The following ADAM2 variants were observed in gnomAD, a reference collection of about 807,000 sequenced individuals.
ADAM2 encodes the protein ADAM metallopeptidase domain 2, also known as disintegrin and metalloproteinase domain-containing protein 2.
ADAM2 carries 101 observed loss-of-function variants against 99.3 expected under a neutral mutation model. The observed-to-expected ratio is 1.02, with a 90% confidence interval of 0.87 to 1.20. ADAM2 has a LOEUF of 1.20. Ranked by LOEUF, ADAM2 falls within the 50% of genes most tolerant of loss-of-function variation. The pLI, the probability that ADAM2 is intolerant of heterozygous loss-of-function variation, is 0.00. For missense variants in ADAM2, 948 were observed against 878.7 expected (o/e 1.08, Z -1.00); for synonymous variants, 323 against 287.6 (o/e 1.12, Z -1.25).
At chr8:39,744,917 T>G in intron 19 of ADAM2, 24 bp from the exon 20 acceptor site, 1 of 1,558,126 alleles carries the variant, frequency 6.4e-7, no homozygotes, top group Non-Finnish European at 8.8e-7. Context: ...ATAAAAATAA[T>G]ATTATACTTT....
intron 6 of ADAM2, among the ~76,000 whole-genome samples, chr8:39,819,528 G>C (rs191289819): frequency 6.6e-6 from 1 of 152,146 alleles, no homozygotes; most frequent in East Asian, 1.9e-4. Context: ...CTCTGTGAAG[G>C]TGCCTTTTAG....
chr8:39,746,735 T>A, intron 18 of ADAM2, 104 bp from the exon 19 acceptor site: 1 of 887,158 alleles, frequency 1.1e-6, no homozygotes, highest in Non-Finnish European at 1.7e-6. Flanking sequence ...TTGAACAATT[T>A]AATAATTTAA....
chr8:39,836,740 A>G (rs1052947712), intron 2 of ADAM2, among the ~76,000 whole-genome samples: 1 of 152,250 alleles, frequency 6.6e-6, no homozygotes, highest in Non-Finnish European at 1.5e-5. Context: ...AATCATTAAT[A>G]TAACACATCA....
At chr8:39,786,635 T>C (rs1190568354) in intron 10 of ADAM2, among the ~76,000 whole-genome samples, 1 of 152,160 alleles carries the variant, frequency 6.6e-6, no homozygotes, top group Non-Finnish European at 1.5e-5. Flanking sequence ...TTATGTTCAC[T>C]ACATAATTAG....
In ADAM2 at chr8:39,761,217, G is replaced by T; in HGVS notation, c.1572C>A (p.Asn524Lys). The T allele has an allele frequency of 6.2e-7, 1 of 1,604,254 alleles. No homozygotes were observed. Among genetic ancestry groups the T allele is most frequent in the Non-Finnish European group, 8.5e-7 (1 of 1,174,608 alleles). ...TGTATCCTGAATCACTTATACCACAGTTTCCAGATACATCAGTCTTTGAAT... is the reference window on the plus strand; with the variant it reads ...TGTATCCTGAATCACTTATACCACATTTTCCAGATACATCAGTCTTTGAAT... ...HLNSKTDVSGNCGISDSGYTQ... is the reference protein window; with the variant it reads ...HLNSKTDVSGKCGISDSGYTQ... The change falls in exon 15 of 21, where the codon AAC becomes AAA. Residue 524 changes from asparagine to lysine, a missense_variant. Asn to Lys is a moderately conservative substitution (Grantham distance 94). Transcript: ENST00000265708.
chr8:39,759,223 C>T (rs1383871882), intron 15 of ADAM2, among the ~76,000 whole-genome samples: 1 of 151,728 alleles, frequency 6.6e-6, no homozygotes, highest in Non-Finnish European at 1.5e-5. Flanking sequence ...TAAAAAAATC[C>T]AGGGTACAAC....
At chr8:39,770,429 C>A (rs148550457) in intron 11 of ADAM2, among the ~76,000 whole-genome samples, 3 of 152,176 alleles carry the variant, frequency 2.0e-5, no homozygotes, top group Non-Finnish European at 4.4e-5. Context: ...TTTATTGGCA[C>A]CTTAAATATA....
chr8:39,835,721 C>T (rs968384353), intron 2 of ADAM2, among the ~76,000 whole-genome samples: 1 of 151,468 alleles, frequency 6.6e-6, no homozygotes, highest in African/African-American at 2.4e-5. Context: ...GTTGAATAAT[C>T]TTATGGTTTC....
chr8:39,773,571 A>G (rs1563348509), intron 11 of ADAM2, among the ~76,000 whole-genome samples: 1 of 151,848 alleles, frequency 6.6e-6, no homozygotes, highest in Non-Finnish European at 1.5e-5. Context: ...AAGAGGGCAT[A>G]TCACAAATTA....
chr8:39,779,297 C>T (rs58428667), intron 10 of ADAM2, among the ~76,000 whole-genome samples: 259 of 152,184 alleles, frequency 1.7e-3, no homozygotes, highest in African/African-American at 5.9e-3. Context: ...TTCTTGCTGG[C>T]CTTTCCTCTA....
At chr8:39,744,758 A>G in intron 20 of ADAM2, 72 bp downstream of exon 20, 1 of 1,027,246 alleles carries the variant, frequency 9.7e-7, no homozygotes, top group Non-Finnish European at 1.4e-6. Context: ...CTATGTAACA[A>G]ACCTGCACAT....
Position 39,777,039 on chromosome 8 carries a change from C to T in ADAM2, c.1014G>A (p.Met338Ile). 1 of 1,576,490 alleles carries T rather than the reference C, an allele frequency of 6.3e-7. No individual in the cohort carries two copies. The highest frequency in any genetic ancestry group is 1.7e-5 in the Admixed American group (1 of 59,654). ...AGAAATCTTACATTGCTTCTGGATT[C>T]ATAATGCAGACAGCTCCTGAGCACT... ...KCQCSGAVCI[M>I]NPEAIHFSGV... The change falls in exon 11 of 21, where the codon ATG (methionine) becomes ATA (isoleucine). Residue 338 changes from methionine (M) to isoleucine (I), a missense_variant. Physicochemically the swap from Met to Ile is conservative, Grantham distance 10 (BLOSUM62 1). Coordinates refer to ENST00000265708, the MANE Select transcript of ADAM2 (RefSeq NM_001464.5).
chr8:39,829,143 T>A (rs1293686961), intron 3 of ADAM2, among the ~76,000 whole-genome samples: 1 of 151,904 alleles, frequency 6.6e-6, no homozygotes, highest in Non-Finnish European at 1.5e-5. Flanking sequence ...AACAAAGACC[T>A]GAATGGGAAA....
intron 3 of ADAM2, among the ~76,000 whole-genome samples, chr8:39,825,140 T>C (rs1404462198): frequency 6.6e-6 from 1 of 152,194 alleles, no homozygotes; most frequent in Non-Finnish European, 1.5e-5. Flanking sequence ...CCTCACGATA[T>C]TTGTACCATT....
At chr8:39,749,050 C>T (rs527483768) in intron 18 of ADAM2, among the ~76,000 whole-genome samples, 40 of 152,188 alleles carry the variant, frequency 2.6e-4, no homozygotes, top group Middle Eastern at 3.4e-3. Context: ...ATGCCTTACA[C>T]GGTGTTCTTT....
chr8:39,757,114 T>C (rs1280508016), intron 15 of ADAM2, among the ~76,000 whole-genome samples: 1 of 152,172 alleles, frequency 6.6e-6, no homozygotes, highest in Non-Finnish European at 1.5e-5. Context: ...GTCTATTTCC[T>C]GAAACCTTCC....
intron 4 of ADAM2, among the ~76,000 whole-genome samples, chr8:39,822,484 CTTTTAT>C (rs1805231362): frequency 6.9e-6 from 1 of 145,792 alleles, no homozygotes; most frequent in Admixed American, 6.7e-5. Context: ...TTATTTTTAT[CTTTTAT>C]TTTTATCAGT....
chr8:39,781,371 C>G (rs1803225555), intron 10 of ADAM2, among the ~76,000 whole-genome samples: 1 of 152,104 alleles, frequency 6.6e-6, no homozygotes, highest in African/African-American at 2.4e-5. Flanking sequence ...TCAGGAAGTT[C>G]TTTTCAGCAA....
Position 39,769,644 on chromosome 8 carries a change from C to T in ADAM2, c.1029-69G>A, listed in dbSNP as rs137927045. On this transcript the variant is annotated intron_variant, in intron 11 of 20. Transcript: ENST00000265708. ...TAAACTACCTACCCTTAGAATAAAC[C>T]TATACAACAGCATTCCACAACAGAC... 659 of 1,062,262 alleles carry T rather than the reference C, an allele frequency of 6.2e-4. 2 individuals carry two copies. In the African/African-American group the frequency reaches 9.7e-3, roughly 16 times the overall value. The allele number at this position is 1,062,262 out of a possible 1,614,324, so 65.8% of individuals were successfully genotyped here. A position where few individuals can be genotyped will look rare whatever the true frequency, so the allele number is the denominator to read the frequency against.
Sources: allele counts gnomAD v4.1 joint callset (sites outside exome capture counted in the v4.1 genomes callset), GRCh38; gene constraint gnomAD v4.1.1; transcripts MANE v1.5; gene names NCBI Gene and HGNC (gene_info 2026-07-23, HGNC 2026-07-21).